Variants in MBOAT2 observed in about 807,000 individuals in gnomAD.
MBOAT2 encodes membrane-bound glycerophospholipid O-acyltransferase 2.
In MBOAT2, 28 loss-of-function variants were observed where a neutral mutation model predicts 63.4. That is an observed-to-expected ratio of 0.44 (90% CI 0.33 to 0.61). The LOEUF (loss-of-function observed/expected upper bound fraction) is 0.61, where lower values mean the gene tolerates loss of function less well. Ranked by LOEUF, MBOAT2 falls within the 20% of genes least tolerant of loss-of-function variation. MBOAT2 has a pLI of 0.03. For synonymous variants in MBOAT2, 211 were observed against 215.6 expected (o/e 0.98, Z 0.19); for missense variants, 470 against 605.8 (o/e 0.78, Z 2.35).
intron 10 of MBOAT2, among the ~76,000 whole-genome samples, chr2:8,863,461 T>TC (rs1661634273): frequency 6.6e-6 from 1 of 152,124 alleles, no homozygotes; most frequent in Non-Finnish European, 1.5e-5. Context: ...GGTGTGCTGT[T>TC]CCCCAGCTCT....
At chr2:8,971,087 C>G (rs1670414565) in intron 1 of MBOAT2, among the ~76,000 whole-genome samples, 1 of 152,294 alleles carries the variant, frequency 6.6e-6, no homozygotes, top group Admixed American at 6.5e-5. Flanking sequence ...AGACCAATAT[C>G]CCTGATGAAC....
At chr2:8,906,414 C>T (rs1388142724) in intron 4 of MBOAT2, among the ~76,000 whole-genome samples, 1 of 152,186 alleles carries the variant, frequency 6.6e-6, no homozygotes, top group Non-Finnish European at 1.5e-5. Flanking sequence ...CCTCACTTTG[C>T]TCACACTCAC....
intron 1 of MBOAT2, among the ~76,000 whole-genome samples, chr2:8,965,592 T>C (rs1032298781): frequency 2.0e-5 from 3 of 152,206 alleles, no homozygotes; most frequent in South Asian, 4.1e-4. Context: ...CCACAAAAGA[T>C]TGTATATTTT....
chr2:8,891,124 T>C (rs73149379), intron 4 of MBOAT2, among the ~76,000 whole-genome samples: 6 of 152,258 alleles, frequency 3.9e-5, no homozygotes, highest in Non-Finnish European at 8.8e-5. Context: ...CATTTCCTGA[T>C]GGTCATTAGC....
intron 2 of MBOAT2, among the ~76,000 whole-genome samples, chr2:8,945,939 A>G (rs1319804791): frequency 2.0e-5 from 3 of 152,242 alleles, no homozygotes; most frequent in African/African-American, 4.8e-5. Context: ...CACTAGAAAT[A>G]CAAGTCAATG....
chr2:8,983,774 AAGTGATGGAGC>A (rs1671362250), intron 1 of MBOAT2, among the ~76,000 whole-genome samples: 1 of 152,194 alleles, frequency 6.6e-6, no homozygotes, highest in Admixed American at 6.5e-5. Flanking sequence ...AAGTATCCAG[AAGTGATGGAGC>A]AGTGAGTCAG....
intron 6 of MBOAT2, among the ~76,000 whole-genome samples, chr2:8,882,294 T>C (rs1663195777): frequency 6.6e-6 from 1 of 152,116 alleles, no homozygotes; most frequent in Non-Finnish European, 1.5e-5. Context: ...GAGGCGCAAA[T>C]GTACAATCGC....
intron 4 of MBOAT2, among the ~76,000 whole-genome samples, chr2:8,895,381 T>C (rs1401057048): frequency 6.6e-6 from 1 of 152,220 alleles, no homozygotes; most frequent in Non-Finnish European, 1.5e-5. Context: ...TTTTACAGAG[T>C]GCTGACTGGT....
intron 3 of MBOAT2, among the ~76,000 whole-genome samples, chr2:8,916,213 G>A (rs1666165034): frequency 6.6e-6 from 1 of 152,190 alleles, no homozygotes; most frequent in African/African-American, 2.4e-5. Flanking sequence ...TAATGAAAAT[G>A]AGGTGCCTTG....
intron 6 of MBOAT2, among the ~76,000 whole-genome samples, chr2:8,881,992 G>C (rs1663172331): frequency 1.3e-5 from 2 of 152,196 alleles, no homozygotes; most frequent in Admixed American, 1.3e-4. Context: ...AGTCATCAGA[G>C]TGCCTTTAAT....
At chr2:8,914,458 T>C (rs1345030626) in intron 3 of MBOAT2, among the ~76,000 whole-genome samples, 3 of 151,904 alleles carry the variant, frequency 2.0e-5, no homozygotes, top group East Asian at 3.9e-4. Flanking sequence ...TACAGTTGAA[T>C]TGCAGCCATA....
chr2:8,902,783 G>A (rs1300297190), intron 4 of MBOAT2, among the ~76,000 whole-genome samples: 3 of 152,234 alleles, frequency 2.0e-5, no homozygotes, highest in Non-Finnish European at 2.9e-5. Flanking sequence ...AGGTGGCGGG[G>A]ACCCAAAGAG....
chr2:8,926,713 G>A (rs1270610281), intron 3 of MBOAT2, among the ~76,000 whole-genome samples: 3 of 152,218 alleles, frequency 2.0e-5, no homozygotes, highest in East Asian at 3.8e-4. Context: ...GGCATGGTCA[G>A]ACAGATACTG....
At chr2:8,995,533 G>A (rs1209812715) in intron 1 of MBOAT2, among the ~76,000 whole-genome samples, 1 of 151,230 alleles carries the variant, frequency 6.6e-6, no homozygotes, top group African/African-American at 2.4e-5. Flanking sequence ...ACTGCCTTAC[G>A]TTTTGGCGAG....
At chr2:8,998,908 C>T (rs947752195) in intron 1 of MBOAT2, among the ~76,000 whole-genome samples, 3 of 152,180 alleles carry the variant, frequency 2.0e-5, no homozygotes, top group African/African-American at 4.8e-5. Context: ...CGTGCACGCA[C>T]ACACACACCC....
chr2:8,867,357 T>C (rs1354124567), intron 9 of MBOAT2, among the ~76,000 whole-genome samples: 7 of 152,174 alleles, frequency 4.6e-5, no homozygotes, highest in Admixed American at 3.9e-4. Flanking sequence ...CTGAATTCCT[T>C]TGCCCAGCCT....
At chr2:8,938,050 G>T (rs945134489) in intron 3 of MBOAT2, among the ~76,000 whole-genome samples, 1 of 152,174 alleles carries the variant, frequency 6.6e-6, no homozygotes, top group African/African-American at 2.4e-5. Context: ...AAATGGTACT[G>T]GTTGTGGCAC....
chr2:8,997,039 C>CTCCTGAA (rs1672359917), intron 1 of MBOAT2, among the ~76,000 whole-genome samples: 1 of 152,158 alleles, frequency 6.6e-6, no homozygotes, highest in African/African-American at 2.4e-5. Flanking sequence ...CTGTTCCGAT[C>CTCCTGAA]TCCTGAATCC....
intron 3 of MBOAT2, among the ~76,000 whole-genome samples, chr2:8,941,499 A>G (rs1331591486): frequency 6.6e-6 from 1 of 152,106 alleles, no homozygotes; most frequent in Non-Finnish European, 1.5e-5. Flanking sequence ...GCTAGTGAGC[A>G]CTTGAAATGT....
Sources: gnomAD v4.1 joint callset for allele counts (sites outside exome capture counted in the v4.1 genomes callset) on GRCh38, gnomAD v4.1.1 for gene constraint, MANE v1.5 for transcripts, NCBI Gene and HGNC (gene_info 2026-07-23, HGNC 2026-07-21) for gene names.